The following CRTC1 variants were observed in gnomAD, a reference collection of about 807,000 sequenced individuals.
CRTC1 encodes CREB-regulated transcription coactivator 1.
In CRTC1, 18 loss-of-function variants were observed where a neutral mutation model predicts 66.1. The observed-to-expected ratio is 0.27, with a 90% CI of 0.19 to 0.40. The LOEUF (loss-of-function observed/expected upper bound fraction) is 0.40, where lower values mean the gene tolerates loss of function less well. Ranked by LOEUF, CRTC1 falls within the 10% of genes least tolerant of loss-of-function variation. CRTC1 has a pLI of 1.00. For synonymous variants in CRTC1, 416 were observed against 398.8 expected, an observed-to-expected ratio of 1.04 and a Z score of -0.51; for missense variants, 669 against 887.9, an observed-to-expected ratio of 0.75 and a Z score of 3.13.
intron 6 of CRTC1, among the ~76,000 whole-genome samples, chr19:18,757,060 G>GGT (rs1491385530): frequency 6.6e-6 from 1 of 152,182 alleles, no homozygotes; most frequent in Non-Finnish European, 1.5e-5. Context: ...GCCCCCTCAC[G>GGT]GTGTGTGCAT....
chr19:18,751,458 G>A lies in CRTC1; in HGVS notation c.538+1583G>A, dbSNP rs185406625. On this transcript the variant is annotated intron_variant, in intron 5 of 13. Coordinates refer to ENST00000321949, the MANE Select transcript of CRTC1 (RefSeq NM_015321.3). ...AGGGGGAATTGTTTGAGCCTGGGAG[G>A]TGGAAGTTGCAGTGAGCCAAGATCA... Among the ~76,000 whole-genome samples, 36 of 152,218 alleles carry A rather than the reference G, an allele frequency of 2.4e-4. No homozygotes were observed. In the East Asian group the frequency reaches 5.0e-3, roughly 21 times the overall value.
chr19:18,766,742 C>T (rs78621880), intron 9 of CRTC1, among the ~76,000 whole-genome samples: 7 of 152,346 alleles, frequency 4.6e-5, no homozygotes, highest in African/African-American at 1.7e-4. Context: ...CCACCACACC[C>T]AGCCTTGTAA....
chr19:18,687,192 T>C (rs2052705474), intron 1 of CRTC1, among the ~76,000 whole-genome samples: 1 of 151,856 alleles, frequency 6.6e-6, no homozygotes, highest in African/African-American at 2.4e-5. Flanking sequence ...ATTTTTGTAT[T>C]TGTAGCAGAG....
intron 1 of CRTC1, among the ~76,000 whole-genome samples, chr19:18,706,456 C>T (rs1284852736): frequency 6.6e-6 from 1 of 151,932 alleles, no homozygotes; most frequent in East Asian, 1.9e-4. Flanking sequence ...TCCCCCCCGC[C>T]TTGGCCTCCC....
Position 18,744,885 on chromosome 19 carries a change from A to G in CRTC1, c.244-938A>G, listed in dbSNP as rs188265034. ...TGGCCGAGGCTGGGACAAAGCAGCAATCCTAGCCATGGACAGGCTTCTGGA... is the reference window on the plus strand; with the variant it reads ...TGGCCGAGGCTGGGACAAAGCAGCAGTCCTAGCCATGGACAGGCTTCTGGA... On this transcript the variant is annotated intron_variant, in intron 2 of 13. Transcript: ENST00000321949. Among the ~76,000 whole-genome samples, 349 of 152,268 alleles carry G rather than the reference A, an allele frequency of 2.3e-3. 2 individuals carry two copies. Among genetic ancestry groups the G allele is most frequent in the African/African-American group, 8.0e-3 (332 of 41,550 alleles).
chr19:18,684,079 G>C (rs2052627915), intron 1 of CRTC1, among the ~76,000 whole-genome samples: 1 of 151,926 alleles, frequency 6.6e-6, no homozygotes. Context: ...CCCCGGAGGA[G>C]ACAGGGGCCT....
intron 8 of CRTC1, among the ~76,000 whole-genome samples, chr19:18,762,677 C>T (rs573505788): frequency 6.6e-6 from 1 of 152,374 alleles, no homozygotes; most frequent in East Asian, 1.9e-4. Flanking sequence ...CCTGGCAGCT[C>T]TCCCTGCCCG....
rs200991144 is a variant in CRTC1, at chr19:18,748,265, C to T, written c.443+1151C>T. Among the ~76,000 whole-genome samples, 11 of 151,088 alleles carry T rather than the reference C, an allele frequency of 7.3e-5. No homozygotes were observed. In the East Asian group the frequency reaches 2.0e-3, roughly 27 times the overall value. On this transcript the variant is annotated intron_variant, in intron 4 of 13. Coordinates refer to ENST00000321949, the MANE Select transcript of CRTC1 (RefSeq NM_015321.3). ...CGTGTGTGTGTATATAATTTTTTTTCTGAGACATGGTCACACTCTGTTACT... is the reference window on the plus strand; with the variant it reads ...CGTGTGTGTGTATATAATTTTTTTTTTGAGACATGGTCACACTCTGTTACT...
chr19:18,701,394 G>A (rs1006628176), intron 1 of CRTC1, among the ~76,000 whole-genome samples: 2 of 152,256 alleles, frequency 1.3e-5, no homozygotes, highest in African/African-American at 2.4e-5. Flanking sequence ...TGCCCGGCCC[G>A]TGGTGGGTGC....
At chr19:18,743,957 C>T in intron 2 of CRTC1, 1 of 708,080 alleles carries the variant, frequency 1.4e-6, no homozygotes, top group Non-Finnish European at 2.4e-6. Flanking sequence ...GGGCACCTTG[C>T]AAGCTCAGCC....
At chr19:18,716,596 C>A (rs1026173715) in intron 1 of CRTC1, among the ~76,000 whole-genome samples, 1 of 152,142 alleles carries the variant, frequency 6.6e-6, no homozygotes, top group Admixed American at 6.6e-5. Flanking sequence ...CAAGCATTAG[C>A]GTGTGGAGAG....
At chr19:18,691,025 C>CAAAA (rs751088340) in intron 1 of CRTC1, among the ~76,000 whole-genome samples, 1 of 58,116 alleles carries the variant, frequency 1.7e-5, no homozygotes, top group Non-Finnish European at 3.6e-5. Context: ...GACTCCGTCT[C>CAAAA]AAAAAAAAAA....
chr19:18,728,039 C>G (rs1337010833), intron 1 of CRTC1, among the ~76,000 whole-genome samples: 1 of 152,110 alleles, frequency 6.6e-6, no homozygotes, highest in Non-Finnish European at 1.5e-5. Context: ...ACCTTACTTT[C>G]AGAGCCTCCA....
chr19:18,713,903 A>T (rs2053447662), intron 1 of CRTC1, among the ~76,000 whole-genome samples: 1 of 152,182 alleles, frequency 6.6e-6, no homozygotes, highest in Non-Finnish European at 1.5e-5. Flanking sequence ...CACCACTGGC[A>T]GCCCGCTCCC....
chr19:18,726,249 A>C (rs937252148), intron 1 of CRTC1, among the ~76,000 whole-genome samples: 5 of 152,228 alleles, frequency 3.3e-5, no homozygotes, highest in Admixed American at 1.3e-4. Context: ...GCTCCCAGCC[A>C]CCTGCCTCTC....
At chr19:18,721,343 G>A (rs1025539212) in intron 1 of CRTC1, among the ~76,000 whole-genome samples, 1 of 151,110 alleles carries the variant, frequency 6.6e-6, no homozygotes, top group African/African-American at 2.4e-5. Context: ...TCAGGCGCCC[G>A]CCACCATGCC....
At chr19:18,758,645 C>A (rs775588001) in intron 6 of CRTC1, among the ~76,000 whole-genome samples, 1 of 152,144 alleles carries the variant, frequency 6.6e-6, no homozygotes, top group Non-Finnish European at 1.5e-5. Flanking sequence ...TGAGGGTCCC[C>A]GGGGAAGTCA....
chr19:18,739,211 G>C (rs2054061816), intron 1 of CRTC1, among the ~76,000 whole-genome samples: 2 of 152,240 alleles, frequency 1.3e-5, no homozygotes, highest in Admixed American at 6.5e-5. Context: ...CAGCCATGGG[G>C]ATGGTGTGGA....
chr19:18,732,817 G>A (rs1267812257), intron 1 of CRTC1, among the ~76,000 whole-genome samples: 2 of 152,110 alleles, frequency 1.3e-5, no homozygotes, highest in African/African-American at 2.4e-5. Context: ...GAGGCCGGGT[G>A]TGGTGGCTCA....
Sources: gnomAD v4.1 joint callset for allele counts (sites outside exome capture counted in the v4.1 genomes callset) on GRCh38, gnomAD v4.1.1 for gene constraint, MANE v1.5 for transcripts, NCBI Gene and HGNC (gene_info 2026-07-23, HGNC 2026-07-21) for gene names.